The following NUP58 variants were observed in gnomAD, a reference collection of about 807,000 sequenced individuals.
NUP58 encodes the protein nucleoporin 58, also known as nucleoporin p58/p45.
A neutral mutation model predicts 70.1 loss-of-function variants in NUP58; 17 were observed. The observed-to-expected ratio is 0.24, with a 90% CI of 0.17 to 0.36. The LOEUF (loss-of-function observed/expected upper bound fraction) is 0.36, where lower values mean the gene tolerates loss of function less well. NUP58 is among the 10% of genes least tolerant of loss of function. The pLI, the probability that NUP58 is intolerant of heterozygous loss-of-function variation, is 1.00. For synonymous variants in NUP58, 275 were observed against 257.6 expected (o/e 1.07, Z -0.65); for missense variants, 644 against 701.5 (o/e 0.92, Z 0.93).
chr13:25,335,838 C>CTCAT, intron 13 of NUP58: 1 of 1,008,286 alleles, frequency 9.9e-7, no homozygotes, highest in South Asian at 4.1e-5. Context: ...TTGACAGTTC[C>CTCAT]CTCATCTTTG....
rs1397706716 is a variant in NUP58 at position 25,341,879 on chromosome 13, TC to T, written c.*1746del. 6.6e-6 allele frequency: 1 copy of T among 152,506 alleles called. No homozygotes were observed. The highest frequency in any genetic ancestry group is 1.5e-5 in the Non-Finnish European group (1 of 68,032). The allele number at this position is 152,506 out of a possible 1,614,324, so 9.4% of individuals were successfully genotyped here. A position where few individuals can be genotyped will look rare whatever the true frequency, so the allele number is the denominator to read the frequency against. The stretch of plus-strand genomic sequence containing the variant: ...ATCATTTTCATCAAGACACCTTTTT[TC>T]TAAAATAGGCATTGCATACACATAT... On this transcript the variant is annotated 3_prime_UTR_variant, in exon 16 of 16. Transcript: ENST00000381736.
intron 13 of NUP58, chr13:25,335,307 A>G: frequency 1.0e-6 from 1 of 985,372 alleles, no homozygotes; most frequent in Non-Finnish European, 1.2e-6. Context: ...CACAACAAAA[A>G]GCATGCTATT....
intron 1 of NUP58, among the ~76,000 whole-genome samples, chr13:25,306,232 T>C (rs1267475762): frequency 1.3e-5 from 2 of 151,850 alleles, no homozygotes; most frequent in African/African-American, 4.8e-5. Context: ...GGTGAAACCC[T>C]GTCTCTAGTA....
chr13:25,303,087 T>G (rs1407553713), intron 1 of NUP58: 2 of 456,568 alleles, frequency 4.4e-6, no homozygotes, highest in Non-Finnish European at 8.8e-6. Context: ...TAACCAGCTG[T>G]CTTTCTTGTT....
chr13:25,313,178 C>T (rs913467764), intron 4 of NUP58, 146 bp downstream of exon 4: 37 of 887,394 alleles, frequency 4.2e-5, no homozygotes, highest in Middle Eastern at 5.8e-4. Context: ...GAGAGGCTGT[C>T]TTGATGTCCC....
At chr13:25,332,313 C>T in intron 13 of NUP58, 1 of 985,336 alleles carries the variant, frequency 1.0e-6, no homozygotes, top group African/African-American at 1.7e-5. Flanking sequence ...TTTTTGTGGT[C>T]ATTCTACAGT....
chr13:25,335,470 CAGAA>C, intron 13 of NUP58: 1 of 984,940 alleles, frequency 1.0e-6, no homozygotes, highest in Non-Finnish European at 1.2e-6. Flanking sequence ...TGTTAGGAAT[CAGAA>C]AGTATAATAA....
At chr13:25,327,388 T>C (rs775957875) in intron 11 of NUP58, 42 bp from the exon 12 acceptor site, 1 of 1,264,216 alleles carries the variant, frequency 7.9e-7, no homozygotes, top group South Asian at 1.2e-5. Flanking sequence ...TTGTGCTATA[T>C]ATATGTATAT....
intron 13 of NUP58, chr13:25,334,188 G>A: frequency 2.0e-6 from 2 of 985,434 alleles, no homozygotes; most frequent in Middle Eastern, 5.2e-4. Flanking sequence ...GTAGTTCCAT[G>A]TTGGCAGAAC....
chr13:25,305,147 T>TTTGTTTGTTTG (rs1555253624), intron 1 of NUP58, among the ~76,000 whole-genome samples: 2 of 125,840 alleles, frequency 1.6e-5, no homozygotes, highest in Non-Finnish European at 3.2e-5. Flanking sequence ...TTTTTTTTTT[T>TTTGTTTGTTTG]TTTTTTTTTT....
intron 3 of NUP58, among the ~76,000 whole-genome samples, chr13:25,349,330 T>C (rs2032081941): frequency 6.6e-6 from 1 of 152,254 alleles, no homozygotes; most frequent in African/African-American, 2.4e-5. Context: ...GGAACCATGC[T>C]ACTAGGGTTA....
downstream of NUP58, among the ~76,000 whole-genome samples, chr13:25,346,719 TAAA>T (rs897278773): frequency 1.6e-5 from 2 of 128,824 alleles, no homozygotes; most frequent in African/African-American, 5.7e-5. Flanking sequence ...AAACTCCATC[TAAA>T]AAAAAAAAAA....
chr13:25,320,147 A>G (rs538316503), intron 7 of NUP58: 2 of 157,916 alleles, frequency 1.3e-5, no homozygotes, highest in Admixed American at 1.3e-4. Flanking sequence ...TTTAATGAAT[A>G]CATTAATATT....
intron 2 of NUP58, among the ~76,000 whole-genome samples, chr13:25,308,948 C>T (rs1231803668): frequency 6.6e-6 from 1 of 152,198 alleles, no homozygotes; most frequent in Non-Finnish European, 1.5e-5. Context: ...CTTGAGACAG[C>T]TCAGTATAGC....
chr13:25,343,261 A>ATAG (rs1407430566), downstream of NUP58, among the ~76,000 whole-genome samples: 1 of 151,838 alleles, frequency 6.6e-6, no homozygotes, highest in Non-Finnish European at 1.5e-5. Context: ...CTTAGAGAAC[A>ATAG]TAGGATGTTT....
At chr13:25,335,210 A>T in intron 13 of NUP58, 1 of 985,154 alleles carries the variant, frequency 1.0e-6, no homozygotes, top group African/African-American at 1.7e-5. Flanking sequence ...AAGTCTTGTC[A>T]TCATTAGATA....
intron 3 of NUP58, 179 bp downstream of exon 3, chr13:25,309,461 G>A: frequency 2.0e-6 from 1 of 504,342 alleles, no homozygotes; most frequent in Non-Finnish European, 3.4e-6. Context: ...TGAAAAAAAG[G>A]AATGACTTCG....
chr13:25,310,629 C>T (rs571100643), intron 3 of NUP58, among the ~76,000 whole-genome samples: 1 of 145,618 alleles, frequency 6.9e-6, no homozygotes, highest in East Asian at 2.1e-4. Flanking sequence ...TCCCAAAGTG[C>T]TGGGATTACA....
At chr13:25,305,207 A>G (rs1161884884) in intron 1 of NUP58, among the ~76,000 whole-genome samples, 1 of 135,412 alleles carries the variant, frequency 7.4e-6, no homozygotes, top group Non-Finnish European at 1.5e-5. Flanking sequence ...GCAGTGGCGC[A>G]ATCTCAGCCC....
Sources: allele counts gnomAD v4.1 joint callset (sites outside exome capture counted in the v4.1 genomes callset), GRCh38; gene constraint gnomAD v4.1.1; transcripts MANE v1.5; gene names NCBI Gene and HGNC (gene_info 2026-07-23, HGNC 2026-07-21).